BPIFB6: variants seen among roughly 807,000 people sequenced by gnomAD.
BPIFB6 encodes BPI fold-containing family B member 6.
BPIFB6 carries 47 observed loss-of-function variants against 54.7 expected under a neutral mutation model. The observed-to-expected ratio is 0.86, with a 90% CI of 0.68 to 1.10. The LOEUF is 1.10. Among genes scored for constraint, BPIFB6 ranks in the 50% least tolerant of loss-of-function variants. The pLI is 0.00. For missense variants in BPIFB6, 603 were observed against 564.1 expected (o/e 1.07, Z -0.70); for synonymous variants, 255 against 225.9 (o/e 1.13, Z -1.16).
At chr20:33,042,960 C>T (rs2146369657) in intron 13 of BPIFB6, 82 bp downstream of exon 13, 1 of 1,317,542 alleles carries the variant, frequency 7.6e-7, no homozygotes, top group Non-Finnish European at 1.1e-6. Context: ...GGTCTCAAAG[C>T]CCTATCACTG....
chr20:33,036,609 A>G, intron 7 of BPIFB6, 73 bp downstream of exon 7: 1 of 1,385,810 alleles, frequency 7.2e-7, no homozygotes, highest in Non-Finnish European at 1.0e-6. Context: ...TGCTTCTGCC[A>G]GGACAGGTGG....
chr20:33,042,732 G>A (rs1979639867), intron 12 of BPIFB6, 83 bp from the exon 13 acceptor site: 18 of 1,323,978 alleles, frequency 1.4e-5, no homozygotes, highest in Admixed American at 7.2e-5. Flanking sequence ...TGGTCCCCAG[G>A]CCTAGCCAGA....
intron 8 of BPIFB6, among the ~76,000 whole-genome samples, chr20:33,038,157 A>G (rs934913091): frequency 2.0e-5 from 3 of 152,096 alleles, no homozygotes; most frequent in Non-Finnish European, 2.9e-5. Context: ...CTGTTGAATG[A>G]ATGAATGTAT....
At chr20:33,038,589 T>C (rs1222613489) in intron 8 of BPIFB6, among the ~76,000 whole-genome samples, 2 of 152,202 alleles carry the variant, frequency 1.3e-5, no homozygotes, top group Non-Finnish European at 2.9e-5. Flanking sequence ...CGTTTCCCCA[T>C]CCATCTGTCT....
At chr20:33,035,857 G>A (rs554774106) in intron 6 of BPIFB6, among the ~76,000 whole-genome samples, 185 bp downstream of exon 6, 3 of 152,112 alleles carry the variant, frequency 2.0e-5, no homozygotes, top group Non-Finnish European at 2.9e-5. Flanking sequence ...GGGAATCTGG[G>A]TTCCTTTTCT....
At position 33,037,769 on chromosome 20, in the gene BPIFB6, C is replaced by T. The variant is rs1193042794; in HGVS notation, c.846+31C>T. 2.5e-6 allele frequency: 4 copies of T among 1,609,450 alleles called. No individual in the cohort carries two copies. The East Asian group carries it at 8.9e-5, about 36-fold the overall frequency. On this transcript the variant is annotated intron_variant, in intron 8 of 14. Transcript: ENST00000349552. ...CTGTCCAGTTCCCCATTTCCATCTG[C>T]CTCTGTCCATTACAATGCAGTCCCT...
intron 8 of BPIFB6, among the ~76,000 whole-genome samples, chr20:33,038,341 A>G (rs1234584856): frequency 6.6e-6 from 1 of 151,818 alleles, no homozygotes; most frequent in African/African-American, 2.4e-5. Context: ...CCATTCATCC[A>G]TGTACCTTTC....
chr20:33,034,315 C>A, intron 3 of BPIFB6, 25 bp downstream of exon 3: 1 of 1,514,126 alleles, frequency 6.6e-7, no homozygotes, highest in Non-Finnish European at 9.2e-7. Flanking sequence ...GGAGGGGCAG[C>A]GGGGAGGAGA....
At chr20:33,033,351 A>C (rs563407059) in intron 2 of BPIFB6, 5 of 555,444 alleles carry the variant, frequency 9.0e-6, no homozygotes, top group Non-Finnish European at 1.7e-5. Context: ...GTCAAATTTC[A>C]ACTCTGCATG....
At position 33,040,145 on chromosome 20, in the gene BPIFB6, G is replaced by T. The variant is rs553960836; in HGVS notation, c.1075-106G>T. On this transcript the variant is annotated intron_variant, in intron 10 of 14. Coordinates refer to ENST00000349552, the MANE Select transcript of BPIFB6 (RefSeq NM_174897.2). Reference sequence around the variant, plus strand: ...GGGCAGAGAGAAGATCCCCTGCTTTGTCTTGGCAATGGTGGTAGTGCTGGG... The same window carrying T: ...GGGCAGAGAGAAGATCCCCTGCTTTTTCTTGGCAATGGTGGTAGTGCTGGG... 103 of 1,011,834 alleles carry T rather than the reference G, an allele frequency of 1.0e-4. 1 individual carries two copies. In the African/African-American group the frequency reaches 1.6e-3, roughly 16 times the overall value. 62.7% of individuals were successfully genotyped at this position (1,011,834 alleles called of 1,614,324 possible). A position where few individuals can be genotyped will look rare whatever the true frequency, so the allele number is the denominator to read the frequency against.
chr20:33,033,359 A>G (rs111727120), intron 2 of BPIFB6: 7 of 539,774 alleles, frequency 1.3e-5, no homozygotes, highest in Non-Finnish European at 2.5e-5. Context: ...TCAACTCTGC[A>G]TGCAACATGA....
downstream of BPIFB6, chr20:33,044,047 AC>A (rs1979704533): frequency 6.2e-7 from 1 of 1,614,008 alleles, no homozygotes; most frequent in African/African-American, 1.3e-5. Flanking sequence ...AGCTGGGCTG[AC>A]CATGGCAGGA....
intron 14 of BPIFB6, 38 bp downstream of exon 14, chr20:33,043,405 A>C: frequency 6.3e-7 from 1 of 1,575,866 alleles, no homozygotes; most frequent in Non-Finnish European, 8.7e-7. Flanking sequence ...GTCAATCAAC[A>C]CTGTCAGCCA....
At chr20:33,039,978 C>G (rs1979508894) in intron 10 of BPIFB6, among the ~76,000 whole-genome samples, 1 of 152,154 alleles carries the variant, frequency 6.6e-6, no homozygotes, top group Non-Finnish European at 1.5e-5. Context: ...TGTGCAAAGG[C>G]CTGGATCAAT....
chr20:33,036,447 C>T lies in BPIFB6; in HGVS notation c.580C>T (p.Pro194Ser). Reference sequence around the variant, plus strand: ...AGTGGAACCTCCTTTTCACACAGACCCCATGCCTGTGGGCCAGATGGGCAC... The same window carrying T: ...AGTGGAACCTCCTTTTCACACAGACTCCATGCCTGTGGGCCAGATGGGCAC... ...VNRKWTNLSDPMPVGQMGTVK... is the reference protein window; with the variant it reads ...VNRKWTNLSDSMPVGQMGTVK... Residue 194 changes from proline to serine, a missense_variant and splice_region_variant, in exon 7 of 15, where the codon CCC becomes TCC. Physicochemically the swap from Pro to Ser is moderately conservative, Grantham distance 74. Transcript: ENST00000349552. The T allele has an allele frequency of 1.2e-6, 2 of 1,612,062 alleles. No homozygotes were observed. Among genetic ancestry groups the T allele is most frequent in the Non-Finnish European group, 1.7e-6 (2 of 1,178,932 alleles).
In BPIFB6 at chr20:33,040,271, G is replaced by A. The variant is rs759630459; in HGVS notation, c.1095G>A (p.Gln365=). 3.7e-5 allele frequency: 59 copies of A among 1,614,044 alleles called. No homozygotes were observed. The highest frequency in any genetic ancestry group is 4.9e-5 in the Non-Finnish European group (58 of 1,180,030). The change falls in exon 11 of 15, where the codon CAG becomes CAA. Residue 365 remains glutamine, a synonymous_variant. Transcript: ENST00000349552. Reference sequence around the variant, plus strand: ...GCCAGCACTTCAATCTGAAGGTCCAGTACTCAGTGCATGAGAACCAGCTGC... The same window carrying A: ...GCCAGCACTTCAATCTGAAGGTCCAATACTCAGTGCATGAGAACCAGCTGC... The part of the protein sequence containing the change: ...LLEVHFNLKV[Q]YSVHENQLQM...
Position 33,031,719 on chromosome 20 carries a change from G to A in BPIFB6, c.72G>A (p.Leu24=). The A allele has an allele frequency of 6.2e-7, 1 of 1,614,126 alleles. No individual in the cohort carries two copies. The highest frequency in any genetic ancestry group is 8.5e-7 in the Non-Finnish European group (1 of 1,180,008). ...TGTRADPGAL[L]RLGMDIMNQV... ...CGCGAGCTGACCCTGGGGCACTGCTGCGGTTGGGCATGGACATCATGAACC... is the reference window on the plus strand; with the variant it reads ...CGCGAGCTGACCCTGGGGCACTGCTACGGTTGGGCATGGACATCATGAACC... The change falls in exon 1 of 15, where the codon CTG becomes CTA. Residue 24 remains leucine (L), a synonymous_variant. Coordinates refer to ENST00000349552, the MANE Select transcript of BPIFB6 (RefSeq NM_174897.2).
intron 2 of BPIFB6, chr20:33,033,558 C>T: frequency 6.6e-6 from 3 of 456,818 alleles, no homozygotes; most frequent in Non-Finnish European, 1.3e-5. Flanking sequence ...TCGGCAGGAA[C>T]TAGGACTGTG....
Position 33,035,938 on chromosome 20 carries a change from T to C in BPIFB6, c.577+266T>C, listed in dbSNP as rs77141835. On this transcript the variant is annotated intron_variant, in intron 6 of 14. Coordinates refer to ENST00000349552, the MANE Select transcript of BPIFB6 (RefSeq NM_174897.2). ...AAAGACAGCAGCCCTTCTTTGCTCG[T>C]CCACAAGCCTCGTGCCTATGTAGTA... Among the ~76,000 whole-genome samples, 13 of 152,286 alleles carry C rather than the reference T, an allele frequency of 8.5e-5. No individual in the cohort carries two copies. The East Asian group carries it at 2.5e-3, about 29-fold the overall frequency.
Sources: allele counts gnomAD v4.1 joint callset (sites outside exome capture counted in the v4.1 genomes callset), GRCh38; gene constraint gnomAD v4.1.1; transcripts MANE v1.5; gene names NCBI Gene and HGNC (gene_info 2026-07-23, HGNC 2026-07-21).